Variants in TRIM67 observed in about 807,000 individuals in gnomAD.
TRIM67 encodes tripartite motif containing 67.
In TRIM67, 39 loss-of-function variants were observed where a neutral mutation model predicts 71.0. That is an observed-to-expected ratio of 0.55 (90% confidence interval 0.43 to 0.72). TRIM67 has a LOEUF of 0.72. Among genes scored for constraint, TRIM67 ranks in the 30% least tolerant of loss-of-function variants. TRIM67 has a pLI of 0.00. For missense variants in TRIM67, 973 were observed against 1,079.2 expected, an observed-to-expected ratio of 0.90 and a Z score of 1.38; for synonymous variants, 481 against 473.9, an observed-to-expected ratio of 1.01 and a Z score of -0.19.
chr1:231,192,173 T>A (rs1235218813), intron 1 of TRIM67, among the ~76,000 whole-genome samples: 1 of 151,158 alleles, frequency 6.6e-6, no homozygotes, highest in Non-Finnish European at 1.5e-5. Context: ...GCTCTCCAGA[T>A]CTCCATCTGT....
chr1:231,209,310 G>C lies in TRIM67; in HGVS notation c.2123+60G>C. On this transcript the variant is annotated intron_variant, in intron 8 of 9. Transcript: ENST00000366653. This position sits in a 1 kb window ranked among gnomAD's most constrained non-coding sequence, Gnocchi z 4.1. ...CAGGTTGTTTGGGAATGAGGGTCCT[G>C]AAGACCAGTGTCCCTTCTGCTGTCC... 2 of 1,465,614 alleles carry C rather than the reference G, an allele frequency of 1.4e-6. No homozygotes were observed. The highest frequency in any genetic ancestry group is 1.8e-6 in the Non-Finnish European group (2 of 1,100,564). 90.8% of individuals were successfully genotyped at this position (1,465,614 alleles called of 1,614,324 possible). A position where few individuals can be genotyped will look rare whatever the true frequency, so the allele number is the denominator to read the frequency against.
rs868339970 is a variant in TRIM67, at chr1:231,185,448, A to G, written c.1045-11923A>G. ...GGGACCCCCAGGAAGTCTGTGTTCC[A>G]GCCCCCAGTGCAGGACCAGGGAGTG... is the stretch of plus-strand genomic sequence containing the variant. On this transcript the variant is annotated intron_variant, in intron 1 of 9. Coordinates refer to ENST00000366653, the MANE Select transcript of TRIM67 (RefSeq NM_001004342.5). Among the ~76,000 whole-genome samples the G allele has an allele frequency of 5.9e-5, 9 of 151,864 alleles. 1 individual carries two copies. In the South Asian group the frequency reaches 8.3e-4, roughly 14 times the overall value.
Position 231,163,712 on chromosome 1 carries a change from A to C in TRIM67, c.743A>C (p.His248Pro). 2.0e-6 allele frequency: 3 copies of C among 1,505,402 alleles called. No individual in the cohort carries two copies. In the South Asian group the frequency reaches 3.8e-5, roughly 19 times the overall value. 93.3% of individuals were successfully genotyped at this position (1,505,402 alleles called of 1,614,324 possible). Reference sequence around the variant, plus strand: ...CCATCCCGGGGACCCTTCGCCAAGCATCGCCTGGTGCAGCCGCCGCCGCCG... The same window carrying C: ...CCATCCCGGGGACCCTTCGCCAAGCCTCGCCTGGTGCAGCCGCCGCCGCCG... ...CHPSRGPFAK[H>P]RLVQPPPPPP... is the part of the protein sequence containing the mutation. Residue 248 changes from histidine to proline, a missense_variant, in exon 1 of 10, where the codon CAT (histidine) becomes CCT (proline). His to Pro is a moderately conservative substitution (Grantham distance 77). Transcript: ENST00000366653.
At chr1:231,196,780 T>C (rs948739393) in intron 1 of TRIM67, among the ~76,000 whole-genome samples, 9 of 152,252 alleles carry the variant, frequency 5.9e-5, no homozygotes, top group African/African-American at 2.2e-4. Context: ...CTCTGCAGGG[T>C]GAGGAGTCCC....
intron 6 of TRIM67, among the ~76,000 whole-genome samples, chr1:231,204,533 T>G (rs1683643024): frequency 6.6e-6 from 1 of 152,156 alleles, no homozygotes; most frequent in Admixed American, 6.5e-5. Context: ...TAAAGGTTCT[T>G]AGTGAGCCAG....
intron 1 of TRIM67, chr1:231,187,401 T>C: frequency 8.1e-6 from 8 of 987,292 alleles, no homozygotes; most frequent in Non-Finnish European, 1.1e-5. Context: ...TTAATTTTTT[T>C]AAAAAATGAG....
intron 5 of TRIM67, among the ~76,000 whole-genome samples, chr1:231,202,065 A>ATGG (rs1683541872): frequency 4.1e-4 from 2 of 4,842 alleles, no homozygotes; most frequent in Non-Finnish European, 7.3e-4. Flanking sequence ...GGAGGAGGAG[A>ATGG]TGGAGGAGGA....
chr1:231,206,583 G>A, intron 6 of TRIM67, 69 bp from the exon 7 acceptor site: 1 of 1,436,190 alleles, frequency 7.0e-7, no homozygotes, highest in South Asian at 1.6e-5. Flanking sequence ...TGTGTTTCCA[G>A]AAGCCATTTG....
Position 231,163,233 on chromosome 1 carries a change from C to G in TRIM67, c.264C>G (p.Leu88=). The change falls in exon 1 of 10, where the codon CTC becomes CTG. Residue 88 remains leucine, a synonymous_variant. Transcript: ENST00000366653. The part of the protein sequence containing the change: ...GGAGGSAAGG[L]GGGAGGGGDH... The stretch of plus-strand genomic sequence containing the variant: ...CAGGCGGGAGTGCAGCTGGCGGCCT[C>G]GGCGGCGGTGCGGGAGGTGGCGGAG... The G allele has an allele frequency of 6.7e-7, 1 of 1,498,276 alleles. No homozygotes were observed. The highest frequency in any genetic ancestry group is 1.3e-5 in the South Asian group (1 of 77,206). 92.8% of individuals were successfully genotyped at this position (1,498,276 alleles called of 1,614,324 possible). A position where few individuals can be genotyped will look rare whatever the true frequency, so the allele number is the denominator to read the frequency against.
chr1:231,207,165 T>A (rs971180539), intron 7 of TRIM67, among the ~76,000 whole-genome samples: 1 of 152,214 alleles, frequency 6.6e-6, no homozygotes, highest in Non-Finnish European at 1.5e-5. Context: ...TTTACCCCAT[T>A]GTGCTGGACT....
At position 231,220,014 on chromosome 1, in the gene TRIM67, C is replaced by T; in HGVS notation, c.*4574C>T. The T allele has an allele frequency of 8.2e-7, 1 of 1,212,966 alleles. No individual in the cohort carries two copies. Among genetic ancestry groups the T allele is most frequent in the Non-Finnish European group, 1.1e-6 (1 of 918,594 alleles). The allele number at this position is 1,212,966 out of a possible 1,614,324, so 75.1% of individuals were successfully genotyped here. ...CCAATCTCTTATCCTTTCTGTGCCTCAGTATCCCCACCTGAAATGAGACTA... is the reference window on the plus strand; with the variant it reads ...CCAATCTCTTATCCTTTCTGTGCCTTAGTATCCCCACCTGAAATGAGACTA... On this transcript the variant is annotated 3_prime_UTR_variant, in exon 10 of 10. Coordinates refer to ENST00000366653, the MANE Select transcript of TRIM67 (RefSeq NM_001004342.5).
chr1:231,184,434 A>G (rs1191927020), intron 1 of TRIM67: 1 of 152,920 alleles, frequency 6.5e-6, no homozygotes, highest in Non-Finnish European at 1.5e-5. Flanking sequence ...CGGCTTGCAC[A>G]GGGCATGTAG....
At chr1:231,171,596 G>C (rs1323302530) in intron 1 of TRIM67, among the ~76,000 whole-genome samples, 2 of 151,896 alleles carry the variant, frequency 1.3e-5, no homozygotes, top group Non-Finnish European at 2.9e-5. Context: ...CATTGGGAGG[G>C]GGCTTTAGCA....
chr1:231,192,042 C>T (rs12565745), intron 1 of TRIM67, among the ~76,000 whole-genome samples: 8,636 of 152,170 alleles, frequency 0.057, 419 homozygotes, highest in East Asian at 0.24. Context: ...GGCAAGGTGG[C>T]TCAGGCCTGT....
chr1:231,213,589 G>T lies in TRIM67; in HGVS notation c.2124-226G>T, dbSNP rs535361582. Reference sequence around the variant, plus strand: ...CAAAAAACACAAACAAAATTAGCTGGGTCTCATGTCATGCGCCTGTAGTCC... The same window carrying T: ...CAAAAAACACAAACAAAATTAGCTGTGTCTCATGTCATGCGCCTGTAGTCC... On this transcript the variant is annotated intron_variant, in intron 8 of 9. Coordinates refer to ENST00000366653, the MANE Select transcript of TRIM67 (RefSeq NM_001004342.5). Among the ~76,000 whole-genome samples, 22 of 152,112 alleles carry T rather than the reference G, an allele frequency of 1.4e-4. No individual in the cohort carries two copies. In the South Asian group the frequency reaches 4.6e-3, roughly 32 times the overall value.
rs1289607976 is a variant in TRIM67, at chr1:231,201,536, C to T, written c.1534+19C>T. The T allele has an allele frequency of 1.9e-6, 3 of 1,609,766 alleles. No individual in the cohort carries two copies. Among genetic ancestry groups the T allele is most frequent in the South Asian group, 1.1e-5 (1 of 90,280 alleles). On this transcript the variant is annotated intron_variant, in intron 5 of 9. Transcript: ENST00000366653. ...TGTAGGGGTGAGCCGCGGTTGGCCC[C>T]AGTTCAGTCAGTGCTTCTTTCAAAA... is the stretch of plus-strand genomic sequence containing the variant.
intron 4 of TRIM67, among the ~76,000 whole-genome samples, chr1:231,201,058 T>C (rs114736589): frequency 0.013 from 2,005 of 152,282 alleles, 42 homozygotes; most frequent in African/African-American, 0.046. Context: ...GAAGGATGCA[T>C]TTGTGTATTT....
chr1:231,187,879 C>T (rs777004276), intron 1 of TRIM67, among the ~76,000 whole-genome samples: 7 of 152,150 alleles, frequency 4.6e-5, no homozygotes, highest in Non-Finnish European at 8.8e-5. Flanking sequence ...GCACTCCAGA[C>T]GCCTAAGATG....
Position 231,216,607 on chromosome 1 carries a change from C to T in TRIM67, c.*1167C>T, listed in dbSNP as rs1684019691. ...GCCCCTGTGGCAGGCCGGGACGGCT[C>T]TGCCCTGATGCAGTGGGCGGGATCT... On this transcript the variant is annotated 3_prime_UTR_variant, in exon 10 of 10. Transcript: ENST00000366653. 3.0e-6 allele frequency: 3 copies of T among 985,498 alleles called. No homozygotes were observed. In the African/African-American group the frequency reaches 5.2e-5, roughly 17 times the overall value. 61.0% of individuals were successfully genotyped at this position (985,498 alleles called of 1,614,324 possible).
Sources: gnomAD v4.1 joint callset for allele counts (sites outside exome capture counted in the v4.1 genomes callset) on GRCh38, gnomAD v4.1.1 for gene constraint, Gnocchi (gnomAD v3.1) non-coding constraint, MANE v1.5 for transcripts, NCBI Gene and HGNC (gene_info 2026-07-23, HGNC 2026-07-21) for gene names.